The following CTNND2 variants were observed in gnomAD, a reference collection of about 807,000 sequenced individuals.
CTNND2 encodes catenin delta-2.
A neutral mutation model predicts 144.4 loss-of-function variants in CTNND2; 22 were observed. That is an observed-to-expected ratio of 0.15 (90% CI 0.11 to 0.22). The LOEUF is 0.22. Among genes scored for constraint, CTNND2 ranks in the 10% least tolerant of loss-of-function variants. The probability of loss-of-function intolerance (pLI) is 1.00; values close to 1 mark genes in which losing one functional copy is unlikely to be tolerated. For missense variants in CTNND2, 1,353 were observed against 1,618.8 expected (o/e 0.84, Z 2.82); for synonymous variants, 751 against 695.6 (o/e 1.08, Z -1.25).
At position 10,973,970 on chromosome 5, in the gene CTNND2, A is replaced by C. The variant is rs1736125350; in HGVS notation, c.3418-257T>G. The stretch of plus-strand genomic sequence containing the variant: ...TAACATAAAACAGCTTGCTTTAAGA[A>C]ATGTTGAAGTGTAAGATTAATTAGG... On this transcript the variant is annotated intron_variant, in intron 21 of 21. Transcript: ENST00000304623. The surrounding 1 kb of genome is among the most constrained non-coding windows in gnomAD (Gnocchi z 5.6). Among the ~76,000 whole-genome samples, 1 of 152,206 alleles carries C rather than the reference A, an allele frequency of 6.6e-6. No individual in the cohort carries two copies.
intron 3 of CTNND2, among the ~76,000 whole-genome samples, chr5:11,500,728 T>C (rs1029925779): frequency 5.9e-5 from 9 of 152,340 alleles, no homozygotes; most frequent in Non-Finnish European, 7.4e-5. Context: ...TAGCTACATA[T>C]TCTAAAATAC....
chr5:11,704,047 G>A (rs1227689741), intron 2 of CTNND2, among the ~76,000 whole-genome samples: 1 of 152,188 alleles, frequency 6.6e-6, no homozygotes, highest in Non-Finnish European at 1.5e-5. Flanking sequence ...CTCTCATTCA[G>A]AGGACAGGGA....
chr5:11,724,054 CA>C (rs34050641), intron 2 of CTNND2, among the ~76,000 whole-genome samples: 199 of 138,388 alleles, frequency 1.4e-3, no homozygotes, highest in Admixed American at 1.7e-3. Context: ...GGCTTCATTT[CA>C]AAAAAAAAAA....
chr5:11,885,877 T>C (rs1736487807), intron 1 of CTNND2, among the ~76,000 whole-genome samples: 2 of 152,210 alleles, frequency 1.3e-5, no homozygotes, highest in South Asian at 4.1e-4. Context: ...AGAGGAACTT[T>C]GAAAACTACA....
At chr5:11,074,605 T>C (rs1748713267) in intron 16 of CTNND2, among the ~76,000 whole-genome samples, 1 of 152,224 alleles carries the variant, frequency 6.6e-6, no homozygotes, top group African/African-American at 2.4e-5. Context: ...CTAGATTCCA[T>C]TATAAAGCTT....
At chr5:11,528,775 C>T (rs1422387400) in intron 3 of CTNND2, among the ~76,000 whole-genome samples, 1 of 152,196 alleles carries the variant, frequency 6.6e-6, no homozygotes, top group Non-Finnish European at 1.5e-5. Flanking sequence ...AAGTGAGCAG[C>T]GACCTAGCTC....
At chr5:11,343,989 C>A (rs930314652) in intron 9 of CTNND2, among the ~76,000 whole-genome samples, 8 of 152,296 alleles carry the variant, frequency 5.3e-5, no homozygotes, top group African/African-American at 1.9e-4. Flanking sequence ...CATATTAGTT[C>A]TGGTAATATT....
At chr5:11,803,497 G>A (rs1561810974) in intron 1 of CTNND2, among the ~76,000 whole-genome samples, 2 of 152,114 alleles carry the variant, frequency 1.3e-5, no homozygotes, top group Admixed American at 6.5e-5. Context: ...CATAAAATAG[G>A]GCACTGAATG....
At chr5:11,337,557 T>C (rs1214949230) in intron 9 of CTNND2, among the ~76,000 whole-genome samples, 6 of 152,302 alleles carry the variant, frequency 3.9e-5, no homozygotes, top group South Asian at 2.1e-4. Context: ...AGATAACACA[T>C]GCATATCACA....
chr5:11,398,896 C>G (rs1760382544), intron 5 of CTNND2, among the ~76,000 whole-genome samples: 1 of 152,172 alleles, frequency 6.6e-6, no homozygotes, highest in African/African-American at 2.4e-5. Flanking sequence ...CTGCCAGGCC[C>G]AGCAGAGTCA....
rs1737254382 is a variant in CTNND2, at chr5:11,894,647, A to C, written c.37+9170T>G. On this transcript the variant is annotated intron_variant, in intron 1 of 21. Transcript: ENST00000304623. Reference sequence around the variant, plus strand: ...ATGTTTATTATGATTAAGCTTCCCAAAGCATTTTCACCTAAATTATCACAG... The same window carrying C: ...ATGTTTATTATGATTAAGCTTCCCACAGCATTTTCACCTAAATTATCACAG... 3.3e-5 allele frequency among the ~76,000 whole-genome samples: 5 copies of C among 152,222 alleles called. No individual in the cohort carries two copies. The South Asian group carries it at 1.0e-3, about 32-fold the overall frequency.
chr5:11,195,617 T>C (rs886745472), intron 11 of CTNND2, among the ~76,000 whole-genome samples: 11 of 152,268 alleles, frequency 7.2e-5, no homozygotes, highest in Non-Finnish European at 1.5e-4. Context: ...GGATGGACAC[T>C]GTGCTCCTGG....
chr5:11,704,104 T>C (rs1785582956), intron 2 of CTNND2, among the ~76,000 whole-genome samples: 3 of 152,192 alleles, frequency 2.0e-5, no homozygotes, highest in Admixed American at 2.0e-4. Flanking sequence ...CATGCTGTTT[T>C]AACATCAATG....
intron 3 of CTNND2, among the ~76,000 whole-genome samples, chr5:11,481,748 T>A (rs932423044): frequency 2.0e-5 from 3 of 152,074 alleles, no homozygotes; most frequent in Non-Finnish European, 4.4e-5. Flanking sequence ...TGAGTATTAT[T>A]TATTTGTAAT....
chr5:11,160,721 T>G lies in CTNND2; in HGVS notation c.1976-962A>C, dbSNP rs562484369. Among the ~76,000 whole-genome samples, 3 of 152,338 alleles carry G rather than the reference T, an allele frequency of 2.0e-5. No homozygotes were observed. In the South Asian group the frequency reaches 6.2e-4, roughly 32 times the overall value. On this transcript the variant is annotated intron_variant, in intron 11 of 21. Coordinates refer to ENST00000304623, the MANE Select transcript of CTNND2 (RefSeq NM_001332.4). ...TGGAAATAAAACACTATAGTTGTCT[T>G]TGGAAATAGAACTTGTAGCTTATGT...
At chr5:11,081,320 T>C (rs892342533) in intron 16 of CTNND2, among the ~76,000 whole-genome samples, 1 of 152,234 alleles carries the variant, frequency 6.6e-6, no homozygotes, top group Non-Finnish European at 1.5e-5. Context: ...AATTTTCAAA[T>C]GTTCCCACCA....
At chr5:11,426,353 G>A (rs1055182442) in intron 3 of CTNND2, among the ~76,000 whole-genome samples, 1 of 152,108 alleles carries the variant, frequency 6.6e-6, no homozygotes, top group Non-Finnish European at 1.5e-5. Flanking sequence ...CTGGCTTCAC[G>A]GGCCTGAGAC....
chr5:11,036,494 C>T (rs1014151476), intron 16 of CTNND2, among the ~76,000 whole-genome samples: 6 of 152,044 alleles, frequency 3.9e-5, no homozygotes, highest in Admixed American at 1.3e-4. Context: ...GATCTTGGCT[C>T]GCTGCAACCT....
chr5:11,863,073 C>T (rs955649874), intron 1 of CTNND2, among the ~76,000 whole-genome samples: 2 of 152,074 alleles, frequency 1.3e-5, no homozygotes, highest in African/African-American at 4.8e-5. Context: ...TCTATTTTCT[C>T]GTATTTCATT....
Sources: gnomAD v4.1 joint callset for allele counts (sites outside exome capture counted in the v4.1 genomes callset) on GRCh38, gnomAD v4.1.1 for gene constraint, Gnocchi (gnomAD v3.1) non-coding constraint, MANE v1.5 for transcripts, NCBI Gene and HGNC (gene_info 2026-07-23, HGNC 2026-07-21) for gene names.